The following KIF21A variants were observed in gnomAD, a reference collection of about 807,000 sequenced individuals.
KIF21A encodes the protein kinesin-like protein KIF21A.
Under a neutral mutation model 202.9 loss-of-function variants are expected in KIF21A, and 114 were observed. The ratio of observed to expected loss-of-function variants is 0.56; its 90% CI spans 0.48 to 0.66. The LOEUF (loss-of-function observed/expected upper bound fraction) is 0.66, where lower values mean the gene tolerates loss of function less well. Ranked by LOEUF, KIF21A falls within the 30% of genes least tolerant of loss-of-function variation. The pLI, the probability that KIF21A is intolerant of heterozygous loss-of-function variation, is 0.00. For missense variants in KIF21A, 1,677 were observed against 1,994.9 expected (o/e 0.84, Z 3.04); for synonymous variants, 667 against 670.8 (o/e 0.99, Z 0.09).
intron 1 of KIF21A, among the ~76,000 whole-genome samples, chr12:39,425,953 A>C (rs936360994): frequency 1.7e-4 from 26 of 150,886 alleles, no homozygotes; most frequent in African/African-American, 6.1e-4. Context: ...AAAAAAAAAA[A>C]TGGAGCTGTC....
intron 11 of KIF21A, among the ~76,000 whole-genome samples, chr12:39,350,325 A>G (rs1217751861): frequency 6.6e-6 from 1 of 151,994 alleles, no homozygotes; most frequent in Non-Finnish European, 1.5e-5. Context: ...CATATTCAAC[A>G]GGTGATTAAG....
At chr12:39,321,316 A>G (rs1945225210) in intron 27 of KIF21A, 2 of 152,210 alleles carry the variant, frequency 1.3e-5, no homozygotes, top group Non-Finnish European at 2.9e-5. Context: ...TAAAGGATAC[A>G]TTTTTAAAAT....
intron 1 of KIF21A, among the ~76,000 whole-genome samples, chr12:39,395,848 A>G (rs1951705771): frequency 6.6e-6 from 1 of 150,406 alleles, no homozygotes; most frequent in Non-Finnish European, 1.5e-5. Flanking sequence ...GTCTCAAAAA[A>G]AAAAAAAAAA....
rs186425107 is a variant in KIF21A at position 39,418,628 on chromosome 12, C to A, written c.44+24299G>T. On this transcript the variant is annotated intron_variant, in intron 1 of 37. Coordinates refer to ENST00000361418, the MANE Select transcript of KIF21A (RefSeq NM_001173464.2). ...AGAATGTTCCTCTATGAATGGTGAG[C>A]ACTCAAGCTTCTACAGTAGCATCAG... is the stretch of plus-strand genomic sequence containing the variant. Among the ~76,000 whole-genome samples the A allele has an allele frequency of 1.1e-3, 175 of 152,290 alleles. 1 individual carries two copies. The highest frequency in any genetic ancestry group is 4.0e-3 in the African/African-American group (165 of 41,564).
rs1160949360 is a variant in KIF21A, at chr12:39,436,448, A to AT, written c.44+6478dup. Among the ~76,000 whole-genome samples the AT allele has an allele frequency of 5.5e-3, 530 of 95,754 alleles. 17 individuals are homozygous for AT. Among genetic ancestry groups the AT allele is most frequent in the African/African-American group, 0.022 (442 of 19,752 alleles). 62.8% of individuals were successfully genotyped at this position (95,754 alleles called of 152,430 possible). On this transcript the variant is annotated intron_variant, in intron 1 of 37. Coordinates refer to ENST00000361418, the MANE Select transcript of KIF21A (RefSeq NM_001173464.2). ...TATATATATATATATATATATATATATTTTTTTTTTTTTTAGACAGGGTTT... is the reference window on the plus strand; with the variant it reads ...TATATATATATATATATATATATATATTTTTTTTTTTTTTTAGACAGGGTTT...
chr12:39,310,061 G>C (rs537515041), intron 32 of KIF21A, among the ~76,000 whole-genome samples: 1 of 151,912 alleles, frequency 6.6e-6, no homozygotes, highest in Non-Finnish European at 1.5e-5. Context: ...GCTTCAAATT[G>C]CCACTGAATT....
At chr12:39,347,438 G>T (rs539807013) in intron 11 of KIF21A, among the ~76,000 whole-genome samples, 179 of 151,990 alleles carry the variant, frequency 1.2e-3, no homozygotes, top group African/African-American at 4.0e-3. Flanking sequence ...GCTAGGCTCT[G>T]ATTAAGCATA....
intron 34 of KIF21A, among the ~76,000 whole-genome samples, chr12:39,306,233 A>G (rs1234091423): frequency 2.0e-5 from 3 of 152,228 alleles, no homozygotes; most frequent in African/African-American, 4.8e-5. Context: ...GCTGAAATCA[A>G]CCAGGTCTCC....
chr12:39,305,237 G>GT (rs1943343858), intron 34 of KIF21A, among the ~76,000 whole-genome samples: 3 of 151,760 alleles, frequency 2.0e-5, no homozygotes, highest in African/African-American at 4.8e-5. Flanking sequence ...GTGGTGGTGG[G>GT]TGCCTGTACT....
chr12:39,434,989 C>T (rs563200996), intron 1 of KIF21A, among the ~76,000 whole-genome samples: 177 of 152,290 alleles, frequency 1.2e-3, no homozygotes, highest in South Asian at 5.2e-3. Context: ...ATCAGGCCTA[C>T]GTGACAGACA....
intron 10 of KIF21A, among the ~76,000 whole-genome samples, chr12:39,356,061 T>C (rs773675525): frequency 3.3e-5 from 5 of 152,198 alleles, no homozygotes; most frequent in Non-Finnish European, 7.3e-5. Flanking sequence ...TGCTCCCCCA[T>C]GGAGCTGACT....
intron 3 of KIF21A, 48 bp downstream of exon 3, chr12:39,369,680 CT>C (rs771916839): frequency 1.4e-6 from 2 of 1,422,150 alleles, no homozygotes; most frequent in Admixed American, 3.4e-5. Context: ...TAAACACAGT[CT>C]ATAAGAACAA....
At chr12:39,376,291 C>A (rs1950266971) in intron 1 of KIF21A, among the ~76,000 whole-genome samples, 1 of 152,048 alleles carries the variant, frequency 6.6e-6, no homozygotes, top group South Asian at 2.1e-4. Context: ...GTCATAATCC[C>A]AAAATTAGCC....
In KIF21A at chr12:39,367,065, C is replaced by G. The variant is rs1336253126; in HGVS notation, c.700G>C (p.Val234Leu). 1 of 1,613,842 alleles carries G rather than the reference C, an allele frequency of 6.2e-7. No individual in the cohort carries two copies. The highest frequency in any genetic ancestry group is 8.5e-7 in the Non-Finnish European group (1 of 1,179,770). Reference protein sequence around the residue: ...SRSHAIFTIHVCQTRVCPQID... With the variant: ...SRSHAIFTIHLCQTRVCPQID... ...TGGGGACACACTCTGGTTTGACACA[C>G]ATGAATGGTAAAAATGGCATGTGAA... The change falls in exon 5 of 38, where the codon GTG becomes CTG. Residue 234 changes from valine (V) to leucine (L), a missense_variant. Physicochemically the swap from Val to Leu is conservative, Grantham distance 32. Around this residue, in one of 3 missense-constraint regions of KIF21A, gnomAD observed 966 missense variants for 1,180.9 expected, o/e 0.82. Coordinates refer to ENST00000361418, the MANE Select transcript of KIF21A (RefSeq NM_001173464.2).
chr12:39,312,896 C>T (rs1341500470), intron 31 of KIF21A: 2 of 151,790 alleles, frequency 1.3e-5, no homozygotes, highest in Non-Finnish European at 3.0e-5. Context: ...TCAAATGTAC[C>T]TTCACTCAAA....
At chr12:39,384,710 C>G (rs1368824239) in intron 1 of KIF21A, among the ~76,000 whole-genome samples, 2 of 152,110 alleles carry the variant, frequency 1.3e-5, no homozygotes, top group Non-Finnish European at 2.9e-5. Flanking sequence ...GTCTGTAAGT[C>G]AGAAATCCAG....
Position 39,332,978 on chromosome 12 carries a change from C to G in KIF21A, c.2617G>C (p.Ala873Pro). ...GSSAAAVETDASRTGAQQKMR... is the reference protein window; with the variant it reads ...GSSAAAVETDPSRTGAQQKMR... ...TTCTGCTGGGCTCCTGTCCTTGATG[C>G]ATCTGTTTCGACAGCAGCTGCACTG... Residue 873 changes from alanine (A) to proline (P), a missense_variant, in exon 19 of 38, where the codon GCA becomes CCA. Transcript: ENST00000361418. The G allele has an allele frequency of 6.2e-7, 1 of 1,614,144 alleles. No individual in the cohort carries two copies. The highest frequency in any genetic ancestry group is 2.2e-5 in the East Asian group (1 of 44,880).
chr12:39,379,433 C>T (rs922341007), intron 1 of KIF21A, among the ~76,000 whole-genome samples: 1 of 151,986 alleles, frequency 6.6e-6, no homozygotes, highest in African/African-American at 2.4e-5. Context: ...AATGAACACT[C>T]ACTCTGGTCT....
In KIF21A at chr12:39,329,109, T is replaced by G. The variant is rs115155964; in HGVS notation, c.3340+1133A>C. ...AATGATTTTTAAAGCAATGTACCTA[T>G]AACTTTCTAGCTTCTGTGGGTTTAA... is the stretch of plus-strand genomic sequence containing the variant. On this transcript the variant is annotated intron_variant, in intron 24 of 37. Transcript: ENST00000361418. Among the ~76,000 whole-genome samples the G allele has an allele frequency of 5.6e-3, 859 of 152,328 alleles. 11 individuals carry two copies. Among genetic ancestry groups the G allele is most frequent in the African/African-American group, 0.019 (804 of 41,574 alleles).
Sources: allele counts gnomAD v4.1 joint callset (sites outside exome capture counted in the v4.1 genomes callset), GRCh38; gene constraint gnomAD v4.1.1; regional missense constraint gnomAD v4.1.1; transcripts MANE v1.5; gene names NCBI Gene and HGNC (gene_info 2026-07-23, HGNC 2026-07-21).